Variants in VPS13B observed in about 807,000 individuals in gnomAD.
The protein encoded by VPS13B is intermembrane lipid transfer protein VPS13B.
In VPS13B, 285 loss-of-function variants were observed where a neutral mutation model predicts 426.4. The observed-to-expected ratio is 0.67, with a 90% CI of 0.61 to 0.74. VPS13B has a LOEUF of 0.74. Among genes scored for constraint, VPS13B ranks in the 30% least tolerant of loss-of-function variants. The probability of loss-of-function intolerance (pLI) is 0.00; values close to 1 mark genes in which losing one functional copy is unlikely to be tolerated. For synonymous variants in VPS13B, 1,676 were observed against 1,676.4 expected (o/e 1.00, Z 0.01); for missense variants, 4,537 against 4,782.6 (o/e 0.95, Z 1.51).
At chr8:99,601,444 G>A (rs1827295722) in intron 33 of VPS13B, among the ~76,000 whole-genome samples, 1 of 152,252 alleles carries the variant, frequency 6.6e-6, no homozygotes, top group Admixed American at 6.5e-5. Flanking sequence ...ATTGTGAATA[G>A]TGCTGCAATA....
At chr8:99,868,047 A>G in intron 58 of VPS13B, 3 of 478,350 alleles carry the variant, frequency 6.3e-6, no homozygotes, top group Middle Eastern at 6.1e-4. Context: ...ATTCTGAACT[A>G]AACTTCACAG....
At chr8:99,676,610 T>A (rs1830943450) in intron 35 of VPS13B, among the ~76,000 whole-genome samples, 1 of 151,838 alleles carries the variant, frequency 6.6e-6, no homozygotes, top group Non-Finnish European at 1.5e-5. Flanking sequence ...TCCTTCCTAC[T>A]CTCTTAAGTA....
At chr8:99,022,717 T>C (rs1462701941) in intron 2 of VPS13B, among the ~76,000 whole-genome samples, 1 of 152,202 alleles carries the variant, frequency 6.6e-6, no homozygotes, top group Non-Finnish European at 1.5e-5. Flanking sequence ...TCTGGAGATA[T>C]GGAGATTGTG....
At chr8:99,340,397 T>G (rs977161581) in intron 19 of VPS13B, 19 of 460,822 alleles carry the variant, frequency 4.1e-5, no homozygotes, top group Admixed American at 1.5e-4. Context: ...TGGTATATAT[T>G]CTGCTAAAAA....
At chr8:99,406,502 T>A (rs1470448316) in intron 21 of VPS13B, among the ~76,000 whole-genome samples, 1 of 152,244 alleles carries the variant, frequency 6.6e-6, no homozygotes, top group Non-Finnish European at 1.5e-5. Flanking sequence ...CACAGATATT[T>A]ATCAAATATT....
At chr8:99,680,346 T>C (rs1352745007) in intron 35 of VPS13B, among the ~76,000 whole-genome samples, 1 of 152,232 alleles carries the variant, frequency 6.6e-6, no homozygotes, top group African/African-American at 2.4e-5. Flanking sequence ...CATAAACTTA[T>C]GGGAATCACC....
chr8:99,232,259 C>A (rs1386578964), intron 17 of VPS13B, among the ~76,000 whole-genome samples: 8 of 152,096 alleles, frequency 5.3e-5, no homozygotes, highest in East Asian at 1.9e-4. Context: ...ATGCGAAAAA[C>A]CAGTTTAAAA....
chr8:99,150,011 G>A (rs1040763049), intron 14 of VPS13B, among the ~76,000 whole-genome samples: 1 of 152,102 alleles, frequency 6.6e-6, no homozygotes, highest in Non-Finnish European at 1.5e-5. Context: ...CGCTGACAGT[G>A]ATAATCATAG....
intron 27 of VPS13B, among the ~76,000 whole-genome samples, chr8:99,504,256 A>G (rs1821383130): frequency 6.6e-6 from 1 of 152,172 alleles, no homozygotes; most frequent in Non-Finnish European, 1.5e-5. Flanking sequence ...AAAGCTTCCC[A>G]AGGCCTCACC....
At chr8:99,475,560 G>A (rs1819648023) in intron 24 of VPS13B, among the ~76,000 whole-genome samples, 1 of 152,020 alleles carries the variant, frequency 6.6e-6, no homozygotes, top group Admixed American at 6.6e-5. Context: ...GATTTTTATG[G>A]TGTTACTAAA....
At chr8:99,236,406 C>A (rs573059037) in intron 17 of VPS13B, among the ~76,000 whole-genome samples, 1 of 152,050 alleles carries the variant, frequency 6.6e-6, no homozygotes, top group Non-Finnish European at 1.5e-5. Context: ...TGTGCCACCA[C>A]GCCTGGCTAA....
chr8:99,418,035 G>T (rs1331670816), intron 21 of VPS13B, among the ~76,000 whole-genome samples: 2 of 151,990 alleles, frequency 1.3e-5, no homozygotes, highest in Non-Finnish European at 2.9e-5. Flanking sequence ...AATCTCACTG[G>T]TATCTGAAAT....
Position 99,871,676 on chromosome 8 carries a change from A to G in VPS13B, c.11724A>G (p.Pro3908=). The change falls in exon 61 of 62, where the codon CCA becomes CCG. Residue 3908 remains proline (P), a synonymous_variant. Transcript: ENST00000357162. ...TACTCACAGTGCAGCTCAAGCAGCC[A>G]AGAGTGGCCTGTGATGTGGAGGTAC... is the stretch of plus-strand genomic sequence containing the variant. ...NNLLTVQLKQ[P]RVACDVEVDG... 6.2e-7 allele frequency: 1 copy of G among 1,613,966 alleles called. No individual in the cohort carries two copies. Among genetic ancestry groups the G allele is most frequent in the Non-Finnish European group, 8.5e-7 (1 of 1,180,034 alleles).
intron 31 of VPS13B, among the ~76,000 whole-genome samples, chr8:99,559,658 T>A (rs1160433772): frequency 2.0e-5 from 3 of 152,230 alleles, no homozygotes; most frequent in Non-Finnish European, 4.4e-5. Flanking sequence ...ATTTATTATA[T>A]AGGAAATCCT....
intron 35 of VPS13B, among the ~76,000 whole-genome samples, chr8:99,695,245 A>G (rs200034888): frequency 0.032 from 4,845 of 149,322 alleles, 111 homozygotes; most frequent in East Asian, 0.055. Context: ...AGACACATGC[A>G]CACGTATGTT....
At chr8:99,017,267 A>G (rs1841671489) in intron 2 of VPS13B, among the ~76,000 whole-genome samples, 1 of 152,148 alleles carries the variant, frequency 6.6e-6, no homozygotes, top group Admixed American at 6.5e-5. Flanking sequence ...CAATTACAGT[A>G]AGCCTTTGCT....
intron 33 of VPS13B, among the ~76,000 whole-genome samples, chr8:99,595,795 C>T (rs1222471509): frequency 2.0e-5 from 3 of 151,854 alleles, no homozygotes; most frequent in African/African-American, 7.3e-5. Context: ...GTAAAAAGGA[C>T]TCTTATAACT....
At chr8:99,028,016 C>T (rs1339903443) in intron 2 of VPS13B, among the ~76,000 whole-genome samples, 1 of 152,212 alleles carries the variant, frequency 6.6e-6, no homozygotes, top group African/African-American at 2.4e-5. Flanking sequence ...TTTCAGAGAG[C>T]ACAGGGTTGG....
At chr8:99,512,371 A>G (rs1821835229) in intron 29 of VPS13B, among the ~76,000 whole-genome samples, 1 of 152,242 alleles carries the variant, frequency 6.6e-6, no homozygotes, top group South Asian at 2.1e-4. Context: ...GAAGCAGTAT[A>G]TTCATTGCAA....
Sources: allele counts gnomAD v4.1 joint callset (sites outside exome capture counted in the v4.1 genomes callset), GRCh38; gene constraint gnomAD v4.1.1; transcripts MANE v1.5; gene names NCBI Gene and HGNC (gene_info 2026-07-23, HGNC 2026-07-21).